Variants in CAMTA1 observed in about 807,000 individuals in gnomAD.
CAMTA1 encodes the protein calmodulin-binding transcription activator 1.
CAMTA1 carries 27 observed loss-of-function variants against 170.9 expected under a neutral mutation model. The observed-to-expected ratio is 0.16, with a 90% CI of 0.12 to 0.22. The LOEUF (loss-of-function observed/expected upper bound fraction) is 0.22. Among genes scored for constraint, CAMTA1 ranks in the 10% least tolerant of loss-of-function variants. The probability of loss-of-function intolerance (pLI) is 1.00; values close to 1 mark genes in which losing one functional copy is unlikely to be tolerated. For missense variants in CAMTA1, 1,619 were observed against 2,217.2 expected (o/e 0.73, Z 5.42); for synonymous variants, 833 against 891.5 (o/e 0.93, Z 1.17).
At chr1:7,430,102 T>G (rs114171253) in intron 5 of CAMTA1, among the ~76,000 whole-genome samples, 2,715 of 152,260 alleles carry the variant, frequency 0.018, 77 homozygotes, top group African/African-American at 0.061. Flanking sequence ...CTGCTACTGC[T>G]GCTGCTGATG....
intron 4 of CAMTA1, among the ~76,000 whole-genome samples, chr1:7,196,996 C>G (rs867505025): frequency 6.6e-6 from 1 of 152,136 alleles, no homozygotes. Flanking sequence ...TATGATCTAA[C>G]GTTAGTCATT....
intron 5 of CAMTA1, among the ~76,000 whole-genome samples, chr1:7,458,564 C>A (rs536954285): frequency 1.5e-4 from 23 of 152,308 alleles, no homozygotes; most frequent in Non-Finnish European, 3.1e-4. Context: ...GGAGCCTTCC[C>A]GCCCCTGCCC....
At position 7,180,511 on chromosome 1, in the gene CAMTA1, C is replaced by CTTTT. The variant is rs397862259; in HGVS notation, c.303-68959_303-68956dup. Among the ~76,000 whole-genome samples, 299 of 71,140 alleles carry CTTTT rather than the reference C, an allele frequency of 4.2e-3. 5 individuals are homozygous for CTTTT. Among genetic ancestry groups the CTTTT allele is most frequent in the Non-Finnish European group, 4.7e-3 (197 of 41,528 alleles). The allele number at this position is 71,140 out of a possible 152,430, so 46.7% of individuals were successfully genotyped here. A position where few individuals can be genotyped will look rare whatever the true frequency, so the allele number is the denominator to read the frequency against. On this transcript the variant is annotated intron_variant, in intron 4 of 22. Coordinates refer to ENST00000303635, the MANE Select transcript of CAMTA1 (RefSeq NM_015215.4). Reference sequence around the variant, plus strand: ...AGGAACTACCCCAAATGTCACTAGACTTTTTTTTTTTTTTTTTTTTTTTTG... The same window carrying CTTTT: ...AGGAACTACCCCAAATGTCACTAGACTTTTTTTTTTTTTTTTTTTTTTTTTTTTG...
intron 11 of CAMTA1, among the ~76,000 whole-genome samples, chr1:7,731,258 G>A (rs2096730979): frequency 6.6e-6 from 1 of 152,096 alleles, no homozygotes; most frequent in South Asian, 2.1e-4. Flanking sequence ...ATTTATGTTT[G>A]TCTCCGATGA....
intron 3 of CAMTA1, among the ~76,000 whole-genome samples, chr1:7,077,990 G>GCACACA (rs149263539): frequency 4.6e-5 from 7 of 150,636 alleles, no homozygotes; most frequent in Non-Finnish European, 7.4e-5. Context: ...GAGCTTGCGT[G>GCACACA]CACACACACA....
intron 7 of CAMTA1, among the ~76,000 whole-genome samples, chr1:7,652,391 G>T (rs190802735): frequency 8.5e-5 from 13 of 152,266 alleles, no homozygotes; most frequent in Admixed American, 7.8e-4. Flanking sequence ...GGAGGCTCAA[G>T]GACGAGTTTC....
At chr1:7,734,709 A>C (rs537599408) in intron 12 of CAMTA1, among the ~76,000 whole-genome samples, 1 of 152,264 alleles carries the variant, frequency 6.6e-6, no homozygotes, top group South Asian at 2.1e-4. Context: ...AGCTTTGATG[A>C]GGCTGAGATA....
intron 5 of CAMTA1, among the ~76,000 whole-genome samples, chr1:7,303,941 G>A (rs1409555176): frequency 6.6e-6 from 1 of 152,156 alleles, no homozygotes; most frequent in Non-Finnish European, 1.5e-5. Context: ...TTTGTACTAA[G>A]GCAAAGAGGC....
chr1:6,819,965 A>G (rs947383887), intron 1 of CAMTA1, among the ~76,000 whole-genome samples: 6 of 152,182 alleles, frequency 3.9e-5, no homozygotes, highest in Non-Finnish European at 7.3e-5. Flanking sequence ...TCAATCTCTT[A>G]ATACAGAAGA....
At chr1:6,911,753 C>T (rs1447419810) in intron 3 of CAMTA1, among the ~76,000 whole-genome samples, 2 of 152,226 alleles carry the variant, frequency 1.3e-5, no homozygotes, top group Non-Finnish European at 2.9e-5. Flanking sequence ...AACCACCTCT[C>T]TGGTCTCTTG....
intron 3 of CAMTA1, among the ~76,000 whole-genome samples, chr1:7,068,998 A>G (rs1638237377): frequency 6.6e-6 from 1 of 152,160 alleles, no homozygotes; most frequent in Non-Finnish European, 1.5e-5. Context: ...GGAATGGCCA[A>G]GCTGGACGCA....
At position 6,970,358 on chromosome 1, in the gene CAMTA1, T is replaced by C. The variant is rs967845161; in HGVS notation, c.235-120946T>C. On this transcript the variant is annotated intron_variant, in intron 3 of 22. Coordinates refer to ENST00000303635, the MANE Select transcript of CAMTA1 (RefSeq NM_015215.4). The surrounding 1 kb of genome is among the most constrained non-coding windows in gnomAD (Gnocchi z 4.4). The stretch of plus-strand genomic sequence containing the variant: ...GTGCCATAAGCATCCTCCATATGTA[T>C]TGGAGCCGTGGAGTGCTCACAGACA... Among the ~76,000 whole-genome samples the C allele has an allele frequency of 6.6e-6, 1 of 152,150 alleles. No homozygotes were observed. The highest frequency in any genetic ancestry group is 2.4e-5 in the African/African-American group (1 of 41,438).
At chr1:7,233,966 G>A (rs1048080980) in intron 4 of CAMTA1, among the ~76,000 whole-genome samples, 15 of 152,042 alleles carry the variant, frequency 9.9e-5, no homozygotes, top group African/African-American at 3.6e-4. Context: ...TCTTCCTTGC[G>A]CTTACCGGAG....
Position 7,216,092 on chromosome 1 carries a change from C to A in CAMTA1, c.303-33399C>A, listed in dbSNP as rs748762564. Among the ~76,000 whole-genome samples the A allele has an allele frequency of 6.6e-6, 1 of 152,196 alleles. No individual in the cohort carries two copies. The highest frequency in any genetic ancestry group is 2.4e-5 in the African/African-American group (1 of 41,446). On this transcript the variant is annotated intron_variant, in intron 4 of 22. Coordinates refer to ENST00000303635, the MANE Select transcript of CAMTA1 (RefSeq NM_015215.4). This position sits in a 1 kb window ranked among gnomAD's most constrained non-coding sequence, Gnocchi z 4.0. The stretch of plus-strand genomic sequence containing the variant: ...GGCTGGGGAGACCTCAGGAAACTTA[C>A]AATCATGGCAGAAGGCGAAGGGGAA...
intron 1 of CAMTA1, among the ~76,000 whole-genome samples, chr1:6,794,137 G>A (rs775897757): frequency 4.6e-5 from 7 of 152,212 alleles, no homozygotes; most frequent in Non-Finnish European, 7.3e-5. Context: ...ACATGCACAC[G>A]TATAAAGAAT....
intron 3 of CAMTA1, among the ~76,000 whole-genome samples, chr1:6,962,886 C>T (rs1426802194): frequency 1.3e-5 from 2 of 149,642 alleles, no homozygotes; most frequent in African/African-American, 4.9e-5. Context: ...GCCCCACCCT[C>T]CATCCCTTTT....
chr1:7,476,510 G>A (rs185151428), intron 6 of CAMTA1, among the ~76,000 whole-genome samples: 3 of 152,264 alleles, frequency 2.0e-5, no homozygotes, highest in African/African-American at 4.8e-5. Context: ...AGTGCTAAGT[G>A]CTCAGTGAGA....
intron 3 of CAMTA1, among the ~76,000 whole-genome samples, chr1:7,046,324 G>T (rs1705368875): frequency 6.6e-6 from 1 of 152,220 alleles, no homozygotes; most frequent in African/African-American, 2.4e-5. Flanking sequence ...TGGCTGGCTT[G>T]GTTGGACCTG....
chr1:7,474,442 G>A (rs1161796954), intron 6 of CAMTA1, among the ~76,000 whole-genome samples: 1 of 152,240 alleles, frequency 6.6e-6, no homozygotes, highest in African/African-American at 2.4e-5. Flanking sequence ...CTGCATTGAT[G>A]CCGTGCATAA....
Sources: allele counts gnomAD v4.1 joint callset (sites outside exome capture counted in the v4.1 genomes callset), GRCh38; gene constraint gnomAD v4.1.1; non-coding constraint Gnocchi (gnomAD v3.1); transcripts MANE v1.5; gene names NCBI Gene and HGNC (gene_info 2026-07-23, HGNC 2026-07-21).